SLC20A2: variants seen among roughly 807,000 people sequenced by gnomAD.
SLC20A2 encodes the protein solute carrier family 20 member 2, also known as sodium-dependent phosphate transporter 2.
In SLC20A2, 30 loss-of-function variants were observed where a neutral mutation model predicts 61.0. That is an observed-to-expected ratio of 0.49 (90% confidence interval 0.37 to 0.67). SLC20A2 has a LOEUF of 0.67. SLC20A2 is among the 30% of genes least tolerant of loss of function. The pLI, the probability that SLC20A2 is intolerant of heterozygous loss-of-function variation, is 0.00. For synonymous variants in SLC20A2, 351 were observed against 353.3 expected (o/e 0.99, Z 0.07); for missense variants, 626 against 866.4 (o/e 0.72, Z 3.48).
At chr8:42,502,540 T>C (rs1289067830), upstream of SLC20A2, 2 of 152,420 alleles carry the variant, frequency 1.3e-5, no homozygotes, top group Non-Finnish European at 2.9e-5. Flanking sequence ...TTGATCTTCA[T>C]TGGTGTGAGT....
At chr8:42,486,621 A>G (rs767980249) in intron 1 of SLC20A2, among the ~76,000 whole-genome samples, 1 of 152,210 alleles carries the variant, frequency 6.6e-6, no homozygotes, top group Non-Finnish European at 1.5e-5. Flanking sequence ...CGGCACTTTA[A>G]TATGCCATCT....
At position 42,430,197 on chromosome 8, in the gene SLC20A2, C is replaced by G; in HGVS notation, c.1576G>C (p.Val526Leu). 5 of 1,613,942 alleles carry G rather than the reference C, an allele frequency of 3.1e-6. No homozygotes were observed. Among genetic ancestry groups the G allele is most frequent in the Non-Finnish European group, 4.2e-6 (5 of 1,179,930 alleles). The change falls in exon 9 of 11, where the codon GTA (valine) becomes CTA (leucine). Residue 526 changes from valine (V) to leucine (L), a missense_variant. By Grantham distance (32) the Val-to-Leu change is conservative. Transcript: ENST00000520262. ...ACGGGTGTAGCTGCTTCTTGCGTTA[C>G]CCCGCCTTGTTTGTAAATCAGCCAC... Reference protein sequence around the residue: ...ALWLIYKQGGVTQEAATPVWL... With the variant: ...ALWLIYKQGGLTQEAATPVWL...
At chr8:42,526,651 C>T (rs542300374) in intron 1 of SLC20A2, among the ~76,000 whole-genome samples, 9 of 140,346 alleles carry the variant, frequency 6.4e-5, no homozygotes, top group South Asian at 4.8e-4. Flanking sequence ...CCAGCCTGGG[C>T]GACAGAGAGA....
At chr8:42,475,799 G>A (rs1463369870) in intron 1 of SLC20A2, among the ~76,000 whole-genome samples, 3 of 151,776 alleles carry the variant, frequency 2.0e-5, no homozygotes. Context: ...CCCGCTGCAT[G>A]GCTTAGGCAT....
intron 5 of SLC20A2, among the ~76,000 whole-genome samples, chr8:42,445,022 C>T (rs541372346): frequency 2.0e-5 from 3 of 152,274 alleles, no homozygotes; most frequent in South Asian, 4.1e-4. Context: ...CCAGGCATGG[C>T]GGCTCACACC....
intron 5 of SLC20A2, among the ~76,000 whole-genome samples, chr8:42,452,249 T>A (rs1303928400): frequency 2.6e-3 from 171 of 66,444 alleles, no homozygotes; most frequent in South Asian, 2.8e-3. Flanking sequence ...AGAAATGAAG[T>A]GGAGGAGGAA....
chr8:42,417,735 G>A lies in SLC20A2; in HGVS notation c.*68C>T. The A allele has an allele frequency of 3.2e-6, 5 of 1,540,550 alleles. No individual in the cohort carries two copies. Among genetic ancestry groups the A allele is most frequent in the Non-Finnish European group, 4.5e-6 (5 of 1,118,006 alleles). Reference sequence around the variant, plus strand: ...GCCAGGATGTGTATGTGCGGCACGAGCACACATGTCTCCCACACGCCAACA... The same window carrying A: ...GCCAGGATGTGTATGTGCGGCACGAACACACATGTCTCCCACACGCCAACA... On this transcript the variant is annotated 3_prime_UTR_variant, in exon 11 of 11. Transcript: ENST00000520262.
chr8:42,444,590 G>C, intron 6 of SLC20A2, 56 bp downstream of exon 6: 1 of 1,292,150 alleles, frequency 7.7e-7, no homozygotes. Flanking sequence ...TGTTACATGT[G>C]AGGTTTTGGG....
chr8:42,428,722 G>A (rs771666818), intron 10 of SLC20A2, 36 bp downstream of exon 10: 70 of 1,582,538 alleles, frequency 4.4e-5, no homozygotes, highest in East Asian at 2.3e-5. Context: ...CTGTCCCAGC[G>A]GCCTGGGGAA....
intron 10 of SLC20A2, among the ~76,000 whole-genome samples, chr8:42,422,338 C>G (rs1179732870): frequency 6.6e-6 from 1 of 152,222 alleles, no homozygotes; most frequent in African/African-American, 2.4e-5. Context: ...CAGGCACGAG[C>G]CACCATGCCC....
At chr8:42,455,360 A>G (rs1283751575) in intron 5 of SLC20A2, among the ~76,000 whole-genome samples, 2 of 148,294 alleles carry the variant, frequency 1.3e-5, no homozygotes, top group African/African-American at 2.5e-5. Context: ...AGAGAAGAGA[A>G]ATAATTTGTT....
chr8:42,504,184 T>C (rs1810495262), upstream of SLC20A2, among the ~76,000 whole-genome samples: 1 of 152,218 alleles, frequency 6.6e-6, no homozygotes, highest in African/African-American at 2.4e-5. Flanking sequence ...CAAGTGATTC[T>C]TCCACCTCAG....
At chr8:42,540,502 G>A (rs779160750) in intron 1 of SLC20A2, among the ~76,000 whole-genome samples, 1 of 152,038 alleles carries the variant, frequency 6.6e-6, no homozygotes, top group African/African-American at 2.4e-5. Context: ...TTATATGTAT[G>A]ATTATGTATA....
chr8:42,514,286 G>A (rs939288220), intron 1 of SLC20A2, among the ~76,000 whole-genome samples: 1 of 152,192 alleles, frequency 6.6e-6, no homozygotes, highest in African/African-American at 2.4e-5. Flanking sequence ...GCTTAGGATA[G>A]CAATAGAAAA....
chr8:42,505,114 T>A (rs1194530215), upstream of SLC20A2, among the ~76,000 whole-genome samples: 10 of 151,376 alleles, frequency 6.6e-5, no homozygotes, highest in Admixed American at 6.6e-4. Context: ...CCAACCTTTT[T>A]TTTTTTTTAA....
At chr8:42,466,181 C>T (rs1336950765) in intron 2 of SLC20A2, among the ~76,000 whole-genome samples, 1 of 152,200 alleles carries the variant, frequency 6.6e-6, no homozygotes, top group Non-Finnish European at 1.5e-5. Context: ...GTTGCCCAGG[C>T]TGGAGTGCAG....
intron 6 of SLC20A2, among the ~76,000 whole-genome samples, chr8:42,441,142 CTTTTTTTTTTT>C (rs112150338): frequency 8.0e-6 from 1 of 125,594 alleles, no homozygotes; most frequent in Non-Finnish European, 1.7e-5. Flanking sequence ...ATATTTTGCT[CTTTTTTTTTTT>C]TTTTTTTTGA....
chr8:42,439,731 T>C, intron 6 of SLC20A2, 78 bp from the exon 7 acceptor site: 1 of 1,088,368 alleles, frequency 9.2e-7, no homozygotes, highest in Non-Finnish European at 1.4e-6. Flanking sequence ...AAAGTGAATC[T>C]ATATCTTTAT....
At chr8:42,517,430 G>A (rs920298221) in intron 1 of SLC20A2, among the ~76,000 whole-genome samples, 2 of 151,874 alleles carry the variant, frequency 1.3e-5, no homozygotes, top group South Asian at 4.2e-4. Flanking sequence ...TGCTATTGAT[G>A]GGAACTTAGA....
Sources: allele counts gnomAD v4.1 joint callset (sites outside exome capture counted in the v4.1 genomes callset), GRCh38; gene constraint gnomAD v4.1.1; transcripts MANE v1.5; gene names NCBI Gene and HGNC (gene_info 2026-07-23, HGNC 2026-07-21).